Variants in VPS41 observed in about 807,000 individuals in gnomAD.
The protein encoded by VPS41 is VPS41 subunit of HOPS complex, also known as vacuolar protein sorting-associated protein 41 homolog.
Under a neutral mutation model 130.9 loss-of-function variants are expected in VPS41, and 85 were observed. That is an observed-to-expected ratio of 0.65 (90% confidence interval 0.55 to 0.78). VPS41 has a LOEUF of 0.78. VPS41 is among the 30% of genes least tolerant of loss of function. The pLI is 0.00. For synonymous variants in VPS41, 335 were observed against 332.9 expected, an observed-to-expected ratio of 1.01 and a Z score of -0.07; for missense variants, 874 against 1,018.7, an observed-to-expected ratio of 0.86 and a Z score of 1.93.
intron 1 of VPS41, among the ~76,000 whole-genome samples, chr7:38,898,747 A>T (rs1336372015): frequency 6.6e-6 from 1 of 152,246 alleles, no homozygotes; most frequent in African/African-American, 2.4e-5. Context: ...AACAAAGCAA[A>T]AAGGGAAAAA....
chr7:38,866,830 A>G (rs1786240092), intron 3 of VPS41, among the ~76,000 whole-genome samples: 1 of 152,218 alleles, frequency 6.6e-6, no homozygotes. Flanking sequence ...GAATGTCACA[A>G]ATGATCAATA....
intron 4 of VPS41, among the ~76,000 whole-genome samples, chr7:38,854,284 C>A (rs1331697837): frequency 6.6e-6 from 1 of 152,164 alleles, no homozygotes; most frequent in Non-Finnish European, 1.5e-5. Flanking sequence ...GCCCTGCTTG[C>A]CAATTAATGA....
chr7:38,751,449 TCA>T (rs1783671150), intron 22 of VPS41, among the ~76,000 whole-genome samples: 1 of 152,214 alleles, frequency 6.6e-6, no homozygotes, highest in African/African-American at 2.4e-5. Context: ...GTTAAGTACT[TCA>T]GTTTATTTTG....
intron 6 of VPS41, among the ~76,000 whole-genome samples, chr7:38,818,262 ACAG>A (rs1355728591): frequency 2.0e-5 from 3 of 151,222 alleles, no homozygotes; most frequent in Non-Finnish European, 4.4e-5. Flanking sequence ...AAAAAAAAAA[ACAG>A]AAAGAAGCCA....
chr7:38,840,734 C>T (rs1055282897), intron 4 of VPS41, among the ~76,000 whole-genome samples: 11 of 152,118 alleles, frequency 7.2e-5, no homozygotes, highest in African/African-American at 2.4e-4. Context: ...AAAATTAAGA[C>T]GCTGAAAATT....
At chr7:38,814,830 G>T (rs567529513) in intron 7 of VPS41, among the ~76,000 whole-genome samples, 57 of 152,196 alleles carry the variant, frequency 3.7e-4, no homozygotes, top group African/African-American at 1.3e-3. Flanking sequence ...ATTGGAAATT[G>T]AAAATCAAAA....
intron 3 of VPS41, among the ~76,000 whole-genome samples, chr7:38,863,703 T>C (rs552421705): frequency 6.6e-6 from 1 of 151,866 alleles, no homozygotes; most frequent in South Asian, 2.1e-4. Flanking sequence ...GTCCCCAGGG[T>C]AAAAAAAATC....
chr7:38,891,282 A>T (rs994459042), intron 2 of VPS41, among the ~76,000 whole-genome samples: 2 of 152,238 alleles, frequency 1.3e-5, no homozygotes, highest in Admixed American at 1.3e-4. Flanking sequence ...TGCTAAGTAT[A>T]TAAGTTATGC....
chr7:38,788,470 T>G (rs1195186545), intron 10 of VPS41, among the ~76,000 whole-genome samples: 1 of 152,196 alleles, frequency 6.6e-6, no homozygotes, highest in East Asian at 1.9e-4. Flanking sequence ...CTCCACCTAG[T>G]ACATGATCAA....
chr7:38,782,161 G>A (rs1027906285), intron 10 of VPS41, among the ~76,000 whole-genome samples: 2 of 152,190 alleles, frequency 1.3e-5, no homozygotes, highest in African/African-American at 4.8e-5. Flanking sequence ...TCCCAGCAGT[G>A]TCTCCTCAGT....
intron 11 of VPS41, among the ~76,000 whole-genome samples, chr7:38,775,876 G>A (rs1441052910): frequency 6.7e-6 from 1 of 150,370 alleles, no homozygotes; most frequent in Non-Finnish European, 1.5e-5. Flanking sequence ...CCTACTTACT[G>A]TAAAGGACTA....
chr7:38,801,345 A>G (rs1784721886), intron 7 of VPS41, among the ~76,000 whole-genome samples: 1 of 152,236 alleles, frequency 6.6e-6, no homozygotes, highest in Admixed American at 6.5e-5. Context: ...GGGGCTAAAA[A>G]TTAACCTCTG....
chr7:38,813,583 A>G (rs1347394271), intron 7 of VPS41, among the ~76,000 whole-genome samples: 1 of 152,190 alleles, frequency 6.6e-6, no homozygotes, highest in Non-Finnish European at 1.5e-5. Flanking sequence ...CTTAATACCA[A>G]TTACTTACAC....
chr7:38,728,464 G>T (rs750472441), intron 27 of VPS41, 78 bp downstream of exon 27: 22 of 1,472,248 alleles, frequency 1.5e-5, no homozygotes, highest in Non-Finnish European at 2.0e-5. Context: ...ATAAACGGTA[G>T]TTGGCTAATT....
At chr7:38,741,121 C>T (rs953862654) in intron 25 of VPS41, among the ~76,000 whole-genome samples, 1 of 152,168 alleles carries the variant, frequency 6.6e-6, no homozygotes, top group African/African-American at 2.4e-5. Context: ...TACTTTGCAA[C>T]CTGCATGGTG....
intron 21 of VPS41, among the ~76,000 whole-genome samples, chr7:38,753,407 G>A (rs1372091796): frequency 6.6e-6 from 1 of 152,038 alleles, no homozygotes; most frequent in African/African-American, 2.4e-5. Flanking sequence ...GCAGTAGACT[G>A]AACTCATGTG....
At chr7:38,791,656 G>A (rs139158070) in intron 9 of VPS41, among the ~76,000 whole-genome samples, 3 of 152,204 alleles carry the variant, frequency 2.0e-5, no homozygotes, top group African/African-American at 7.2e-5. Flanking sequence ...TCAACTGGAA[G>A]CTCAATCGGA....
At chr7:38,763,091 G>A (rs1473336003) in intron 17 of VPS41, among the ~76,000 whole-genome samples, 2 of 152,054 alleles carry the variant, frequency 1.3e-5, no homozygotes, top group African/African-American at 4.8e-5. Context: ...TGTAAAGGAA[G>A]TTTGTACTCT....
chr7:38,728,197 C>T (rs927635910), intron 27 of VPS41: 2 of 463,834 alleles, frequency 4.3e-6, no homozygotes, highest in Middle Eastern at 6.1e-4. Flanking sequence ...GCCCCTGAAC[C>T]AGTGGCATCA....
Sources: allele counts gnomAD v4.1 joint callset (sites outside exome capture counted in the v4.1 genomes callset), GRCh38; gene constraint gnomAD v4.1.1; transcripts MANE v1.5; gene names NCBI Gene and HGNC (gene_info 2026-07-23, HGNC 2026-07-21).